The following SLAMF7 variants were observed in gnomAD, a reference collection of about 807,000 sequenced individuals.
The protein encoded by SLAMF7 is 19A24 protein.
SLAMF7 carries 26 observed loss-of-function variants against 34.1 expected under a neutral mutation model. That is an observed-to-expected ratio of 0.76 (90% CI 0.56 to 1.06). The LOEUF (loss-of-function observed/expected upper bound fraction) is 1.06, where lower values mean the gene tolerates loss of function less well. SLAMF7 is among the 50% of genes least tolerant of loss of function. The probability of loss-of-function intolerance (pLI) is 0.00; values close to 1 mark genes in which losing one functional copy is unlikely to be tolerated. For synonymous variants in SLAMF7, 171 were observed against 156.4 expected (o/e 1.09, Z -0.70); for missense variants, 399 against 402.5 (o/e 0.99, Z 0.07).
chr1:160,740,344 A>C (rs907820442), intron 1 of SLAMF7, among the ~76,000 whole-genome samples: 4 of 151,998 alleles, frequency 2.6e-5, no homozygotes, highest in Non-Finnish European at 5.9e-5. Context: ...ATAGAACTTG[A>C]GGGAGATAAG....
At position 160,752,227 on chromosome 1, in the gene SLAMF7, C is replaced by A; in HGVS notation, c.915C>A (p.Ser305=). Residue 305 remains serine, a synonymous_variant, in exon 6 of 7, where the codon TCC becomes TCA. Coordinates refer to ENST00000368043, the MANE Select transcript of SLAMF7 (RefSeq NM_021181.5). ...LKEDPANTVY[S]TVEIPKKMEN... is the part of the protein sequence containing the mutation. ...AAGATCCAGCAAATACGGTTTACTC[C>A]ACTGTGGAAATACCGAAAAAGGTAA... 1 of 1,613,106 alleles carries A rather than the reference C, an allele frequency of 6.2e-7. No individual in the cohort carries two copies. The highest frequency in any genetic ancestry group is 8.5e-7 in the Non-Finnish European group (1 of 1,179,344).
In SLAMF7 at chr1:160,748,282, T is replaced by C. The variant is rs1447154348; in HGVS notation, c.144T>C (p.Val48=). Residue 48 remains valine (V), a synonymous_variant, in exon 2 of 7, where the codon GTT becomes GTC. Coordinates refer to ENST00000368043, the MANE Select transcript of SLAMF7 (RefSeq NM_021181.5). ...CCCTGAAGTCCAAAGTAAAGCAAGT[T>C]GACTCTATTGTCTGGACCTTCAACA... ...TFPLKSKVKQ[V]DSIVWTFNTT... is the part of the protein sequence containing the mutation. The C allele has an allele frequency of 1.5e-5, 25 of 1,613,944 alleles. No homozygotes were observed. Among genetic ancestry groups the C allele is most frequent in the Non-Finnish European group, 1.9e-5 (23 of 1,179,976 alleles).
chr1:160,747,288 A>G (rs1005742717), intron 1 of SLAMF7, among the ~76,000 whole-genome samples: 1 of 152,166 alleles, frequency 6.6e-6, no homozygotes, highest in Non-Finnish European at 1.5e-5. Context: ...TCTGCCTCTT[A>G]CTAGGTGGCT....
chr1:160,752,187 G>T lies in SLAMF7; in HGVS notation c.875G>T (p.Arg292Ile). Reference protein sequence around the residue: ...TEYDTIPHTNRTILKEDPANT... With the variant: ...TEYDTIPHTNITILKEDPANT... ...TTGTTTGTTGTTTGTTTTTAAAAGA[G>T]AACAATCCTAAAGGAAGATCCAGCA... The change falls in exon 6 of 7, where the codon AGA (arginine) becomes ATA (isoleucine). Residue 292 changes from arginine (R) to isoleucine (I), a missense_variant and splice_region_variant. Transcript: ENST00000368043. 6.2e-7 allele frequency: 1 copy of T among 1,611,986 alleles called. No homozygotes were observed. Among genetic ancestry groups the T allele is most frequent in the South Asian group, 1.1e-5 (1 of 90,878 alleles).
At chr1:160,742,624 T>C (rs1663834462) in intron 1 of SLAMF7, among the ~76,000 whole-genome samples, 1 of 152,210 alleles carries the variant, frequency 6.6e-6, no homozygotes, top group East Asian at 1.9e-4. Flanking sequence ...CCCAAATGCC[T>C]GGAAACTAAA....
rs373943155 is a variant in SLAMF7, at chr1:160,753,200, C to A, written c.*23C>A. ...TAGACAGCAGTGCACTCCCCTAAGT[C>A]TCTGCTCAAAAAAAAAACAATTCTC... On this transcript the variant is annotated 3_prime_UTR_variant, in exon 7 of 7. Transcript: ENST00000368043. 7.2e-5 allele frequency: 114 copies of A among 1,579,434 alleles called. No homozygotes were observed. Among genetic ancestry groups the A allele is most frequent in the Non-Finnish European group, 9.6e-5 (111 of 1,155,052 alleles).
At chr1:160,746,124 C>G (rs141826380) in intron 1 of SLAMF7, among the ~76,000 whole-genome samples, 5 of 152,282 alleles carry the variant, frequency 3.3e-5, no homozygotes, top group Admixed American at 6.5e-5. Context: ...GCCAATTACA[C>G]ACAGGAGACA....
At chr1:160,747,726 A>C (rs1558056015) in intron 1 of SLAMF7, among the ~76,000 whole-genome samples, 1 of 152,184 alleles carries the variant, frequency 6.6e-6, no homozygotes, top group Non-Finnish European at 1.5e-5. Context: ...TCAAGATTAT[A>C]ATTTATGCTT....
At position 160,753,122 on chromosome 1, in the gene SLAMF7, C is replaced by T; in HGVS notation, c.953C>T (p.Ser318Leu). The T allele has an allele frequency of 1.2e-6, 2 of 1,613,742 alleles. No individual in the cohort carries two copies. Among genetic ancestry groups the T allele is most frequent in the African/African-American group, 2.7e-5 (2 of 74,994 alleles). ...TGTCTTCAGATGGAAAATCCCCACT[C>T]ACTGCTCACGATGCCAGACACACCA... ...EIPKKMENPH[S>L]LLTMPDTPRL... Residue 318 changes from serine to leucine, a missense_variant, in exon 7 of 7, where the codon TCA becomes TTA. Physicochemically the swap from Ser to Leu is moderately radical, Grantham distance 145. Transcript: ENST00000368043.
At chr1:160,743,630 G>A (rs1169736217) in intron 1 of SLAMF7, among the ~76,000 whole-genome samples, 1 of 152,208 alleles carries the variant, frequency 6.6e-6, no homozygotes, top group Non-Finnish European at 1.5e-5. Context: ...TAGAAGGTTG[G>A]CACCTGAGGA....
At chr1:160,751,858 C>CTATATATATA (rs1664638731) in intron 5 of SLAMF7, 1 of 36,484 alleles carries the variant, frequency 2.7e-5, no homozygotes, top group Non-Finnish European at 4.9e-5. Context: ...CTCTCTCTCT[C>CTATATATATA]TCTCTATATA....
chr1:160,747,258 C>T (rs2101668443), intron 1 of SLAMF7, among the ~76,000 whole-genome samples: 1 of 152,306 alleles, frequency 6.6e-6, no homozygotes, highest in South Asian at 2.1e-4. Context: ...GGTCTCGACC[C>T]TGTGGGTTTT....
intron 1 of SLAMF7, among the ~76,000 whole-genome samples, chr1:160,740,540 T>G (rs1453245658): frequency 1.3e-5 from 2 of 152,144 alleles, no homozygotes; most frequent in Admixed American, 6.5e-5. Flanking sequence ...GAACTTCCAG[T>G]GGGCAGGGCA....
chr1:160,741,799 T>G (rs1663767188), intron 1 of SLAMF7, among the ~76,000 whole-genome samples: 1 of 152,194 alleles, frequency 6.6e-6, no homozygotes, highest in African/African-American at 2.4e-5. Flanking sequence ...CTTAGGAGCC[T>G]TGGCTCCTAA....
intron 1 of SLAMF7, among the ~76,000 whole-genome samples, chr1:160,744,247 A>G (rs1477306240): frequency 1.3e-5 from 2 of 152,248 alleles, no homozygotes; most frequent in African/African-American, 4.8e-5. Context: ...GCCTTGGACA[A>G]CTGAAAAAAG....
Position 160,748,251 on chromosome 1 carries a change from C to T in SLAMF7, c.113C>T (p.Thr38Ile). The change falls in exon 2 of 7, where the codon ACT becomes ATT. Residue 38 changes from threonine (T) to isoleucine (I), a missense_variant. Physicochemically the swap from Thr to Ile is moderately conservative, Grantham distance 89. Coordinates refer to ENST00000368043, the MANE Select transcript of SLAMF7 (RefSeq NM_021181.5). ...ELVGSVGGAVTFPLKSKVKQV... is the reference protein window; with the variant it reads ...ELVGSVGGAVIFPLKSKVKQV... ...GTCGGTTCCGTTGGTGGGGCCGTGA[C>T]TTTCCCCCTGAAGTCCAAAGTAAAG... 1.2e-6 allele frequency: 2 copies of T among 1,614,100 alleles called. No homozygotes were observed. Among genetic ancestry groups the T allele is most frequent in the South Asian group, 1.1e-5 (1 of 91,082 alleles).
At chr1:160,742,871 G>A (rs1250541907) in intron 1 of SLAMF7, among the ~76,000 whole-genome samples, 1 of 152,210 alleles carries the variant, frequency 6.6e-6, no homozygotes, top group Non-Finnish European at 1.5e-5. Context: ...AGGATCAGGA[G>A]AGAGGATGCC....
Position 160,750,341 on chromosome 1 carries a change from G to T in SLAMF7, c.687G>T (p.Leu229=), listed in dbSNP as rs767935643. The change falls in exon 4 of 7, where the codon CTG becomes CTT. Residue 229 remains leucine, a synonymous_variant. Transcript: ENST00000368043. ...ACCCAGATTCCTCCATGGTCCTCCT[G>T]TGTCTCCTGTTGGTGCCCCTCCTGC... is the stretch of plus-strand genomic sequence containing the variant. The part of the protein sequence containing the change: ...ADDPDSSMVL[L]CLLLVPLLLS... The T allele has an allele frequency of 1.2e-6, 2 of 1,614,002 alleles. No homozygotes were observed. The highest frequency in any genetic ancestry group is 2.7e-5 in the African/African-American group (2 of 74,934).
intron 6 of SLAMF7, among the ~76,000 whole-genome samples, chr1:160,752,478 G>C (rs1008213564): frequency 1.2e-4 from 18 of 152,174 alleles, no homozygotes; most frequent in African/African-American, 4.1e-4. Flanking sequence ...GTAGGACAGA[G>C]GTTCTAGATC....
Sources: allele counts gnomAD v4.1 joint callset (sites outside exome capture counted in the v4.1 genomes callset), GRCh38; gene constraint gnomAD v4.1.1; transcripts MANE v1.5; gene names NCBI Gene and HGNC (gene_info 2026-07-23, HGNC 2026-07-21).